The following TRANK1 variants were observed in gnomAD, a reference collection of about 807,000 sequenced individuals.
TRANK1 encodes the protein TPR and ankyrin repeat-containing protein 1.
TRANK1 carries 198 observed loss-of-function variants against 266.0 expected under a neutral mutation model. The ratio of observed to expected loss-of-function variants is 0.74; its 90% CI spans 0.66 to 0.84. The LOEUF is 0.84. Ranked by LOEUF, TRANK1 falls within the 40% of genes least tolerant of loss-of-function variation. TRANK1 has a pLI of 0.00. For missense variants in TRANK1, 3,326 were observed against 3,634.6 expected, an observed-to-expected ratio of 0.92 and a Z score of 2.18; for synonymous variants, 1,396 against 1,384.1, an observed-to-expected ratio of 1.01 and a Z score of -0.19.
intron 15 of TRANK1, among the ~76,000 whole-genome samples, chr3:36,848,145 G>A (rs1265519401): frequency 6.6e-6 from 1 of 152,166 alleles, no homozygotes; most frequent in African/African-American, 2.4e-5. Context: ...TCATTTTGGT[G>A]CTAAACCAGC....
intron 3 of TRANK1, among the ~76,000 whole-genome samples, chr3:36,900,961 A>G (rs1036300372): frequency 6.6e-6 from 1 of 150,386 alleles, no homozygotes; most frequent in Non-Finnish European, 1.5e-5. Context: ...CTATTTAATG[A>G]TTTGTTTTAA....
chr3:36,906,144 T>A (rs1042594336), intron 2 of TRANK1, among the ~76,000 whole-genome samples: 4 of 152,198 alleles, frequency 2.6e-5, no homozygotes, highest in Non-Finnish European at 5.9e-5. Context: ...TCTGACACAA[T>A]TCTGATATGT....
At chr3:36,862,746 T>C (rs2079158394) in intron 10 of TRANK1, among the ~76,000 whole-genome samples, 1 of 152,152 alleles carries the variant, frequency 6.6e-6, no homozygotes, top group South Asian at 2.1e-4. Flanking sequence ...AGTCAGAGAT[T>C]AGAGACTTCA....
chr3:36,878,452 G>C (rs2079421681), intron 8 of TRANK1, among the ~76,000 whole-genome samples: 1 of 152,192 alleles, frequency 6.6e-6, no homozygotes. Flanking sequence ...CATCTGATTA[G>C]TTTCCGTGAG....
intron 8 of TRANK1, among the ~76,000 whole-genome samples, chr3:36,879,111 T>C (rs1177281710): frequency 6.6e-6 from 1 of 152,014 alleles, no homozygotes; most frequent in Non-Finnish European, 1.5e-5. Flanking sequence ...GATGGCATAT[T>C]AGAAACATGG....
chr3:36,894,961 G>T (rs1404387591), intron 5 of TRANK1, among the ~76,000 whole-genome samples: 1 of 152,184 alleles, frequency 6.6e-6, no homozygotes, highest in African/African-American at 2.4e-5. Context: ...TCAATGCCTG[G>T]CACTGTAAAC....
chr3:36,876,917 T>C (rs938233787), intron 8 of TRANK1, among the ~76,000 whole-genome samples: 1 of 152,222 alleles, frequency 6.6e-6, no homozygotes, highest in Non-Finnish European at 1.5e-5. Flanking sequence ...CGGGTTCTGC[T>C]GCTGCCCAGC....
At chr3:36,848,427 T>C (rs1359245441) in intron 15 of TRANK1, among the ~76,000 whole-genome samples, 1 of 152,246 alleles carries the variant, frequency 6.6e-6, no homozygotes, top group African/African-American at 2.4e-5. Flanking sequence ...TTCAAAATTC[T>C]TAAGAAACTT....
chr3:36,879,780 A>AT lies in TRANK1; in HGVS notation c.908-5485_908-5484insA, dbSNP rs1491194471. ...TATATAAATATATATAAATATATAT[A>AT]AATATGTAAATATATAAATATACAA... On this transcript the variant is annotated intron_variant, in intron 8 of 23. Coordinates refer to ENST00000645898, the MANE Select transcript of TRANK1 (RefSeq NM_001329998.2). Among the ~76,000 whole-genome samples the AT allele has an allele frequency of 2.9e-3, 259 of 87,996 alleles. 51 individuals carry two copies. Among genetic ancestry groups the AT allele is most frequent in the South Asian group, 0.022 (67 of 2,992 alleles). The allele number at this position is 87,996 out of a possible 152,430, so 57.7% of individuals were successfully genotyped here.
intron 9 of TRANK1, 60 bp downstream of exon 9, chr3:36,874,066 T>C (rs1053068721): frequency 2.8e-6 from 4 of 1,433,916 alleles, no homozygotes; most frequent in Middle Eastern, 1.8e-4. Flanking sequence ...AACTGATTTG[T>C]ATCTAATGTC....
At position 36,879,725 on chromosome 3, in the gene TRANK1, AATAT is replaced by A. The variant is rs369402678; in HGVS notation, c.908-5433_908-5430del. Among the ~76,000 whole-genome samples, 58 of 96,876 alleles carry A rather than the reference AATAT, an allele frequency of 6.0e-4. 15 individuals carry two copies. The highest frequency in any genetic ancestry group is 2.7e-3 in the African/African-American group (55 of 20,184). 63.6% of individuals were successfully genotyped at this position (96,876 alleles called of 152,430 possible). On this transcript the variant is annotated intron_variant, in intron 8 of 23. Transcript: ENST00000645898. Reference sequence around the variant, plus strand: ...ATAAATATAAATATATAAATATATAAATATATATAAATATACAAATATATAAATA... The same window carrying A: ...ATAAATATAAATATATAAATATATAAATATAAATATACAAATATATAAATA...
chr3:36,887,260 A>G (rs1261304427), intron 8 of TRANK1, among the ~76,000 whole-genome samples: 1 of 152,212 alleles, frequency 6.6e-6, no homozygotes, highest in Non-Finnish European at 1.5e-5. Context: ...CCCAGTTCAT[A>G]TCAGTTCACA....
At chr3:36,860,006 C>T (rs960999645) in intron 11 of TRANK1, among the ~76,000 whole-genome samples, 2 of 152,106 alleles carry the variant, frequency 1.3e-5, no homozygotes, top group Non-Finnish European at 1.5e-5. Flanking sequence ...TTATATCTTA[C>T]ATATTATGTG....
At position 36,838,442 on chromosome 3, in the gene TRANK1, A is replaced by G. The variant is rs1474255521; in HGVS notation, c.5447T>C (p.Leu1816Pro). The G allele has an allele frequency of 5.6e-6, 9 of 1,613,958 alleles. No individual in the cohort carries two copies. The highest frequency in any genetic ancestry group is 7.6e-6 in the Non-Finnish European group (9 of 1,179,918). ...GGCATAGCTCAGACACTTAAGGGACAGTGTTGGCTCTTTGCACTCCAAATA... is the reference window on the plus strand; with the variant it reads ...GGCATAGCTCAGACACTTAAGGGACGGTGTTGGCTCTTTGCACTCCAAATA... ...KTYLECKEPT[L>P]SLKCLSYAKE... Residue 1816 changes from leucine (L) to proline (P), a missense_variant, in exon 20 of 24, where the codon CTG becomes CCG. By Grantham distance (98) the Leu-to-Pro change is moderately conservative. Coordinates refer to ENST00000645898, the MANE Select transcript of TRANK1 (RefSeq NM_001329998.2).
At chr3:36,865,912 G>C (rs2079210417) in intron 9 of TRANK1, among the ~76,000 whole-genome samples, 1 of 150,896 alleles carries the variant, frequency 6.6e-6, no homozygotes, top group Non-Finnish European at 1.5e-5. Flanking sequence ...CTGGGCAACA[G>C]AGCAAGACCC....
rs754519829 is a variant in TRANK1, at chr3:36,832,533, C to G, written c.7050G>C (p.Leu2350=). Residue 2350 remains leucine, a synonymous_variant, in exon 22 of 24, where the codon CTG becomes CTC. Transcript: ENST00000645898. ...TGTAGTTGTCCTCCTCCTGGTGGAG[C>G]AGCTTTTCAAACTCCTCCGGGTAGT... ...SSNYPEEFEK[L]LHQEEDNYNR... 8 of 1,613,818 alleles carry G rather than the reference C, an allele frequency of 5.0e-6. No homozygotes were observed. The East Asian group carries it at 1.6e-4, about 31-fold the overall frequency.
intron 3 of TRANK1, among the ~76,000 whole-genome samples, chr3:36,902,235 A>G (rs563194310): frequency 1.8e-4 from 27 of 152,250 alleles, no homozygotes; most frequent in Non-Finnish European, 3.2e-4. Context: ...TAAAATATTC[A>G]TCTTCCAATA....
intron 4 of TRANK1, among the ~76,000 whole-genome samples, chr3:36,898,506 C>T (rs963125454): frequency 2.6e-5 from 4 of 151,548 alleles, no homozygotes; most frequent in East Asian, 1.9e-4. Flanking sequence ...TCACATCAGG[C>T]GAGTAGTATA....
At chr3:36,878,665 T>C (rs6769594) in intron 8 of TRANK1, among the ~76,000 whole-genome samples, 50,035 of 151,408 alleles carry the variant, frequency 0.33, 9,272 homozygotes, top group East Asian at 0.57. Context: ...TCAGGTACTA[T>C]ACGTATTACC....
Sources: allele counts gnomAD v4.1 joint callset (sites outside exome capture counted in the v4.1 genomes callset), GRCh38; gene constraint gnomAD v4.1.1; transcripts MANE v1.5; gene names NCBI Gene and HGNC (gene_info 2026-07-23, HGNC 2026-07-21).